Variants in WDR76 observed in about 807,000 individuals in gnomAD.
The protein encoded by WDR76 is WD repeat domain 76.
WDR76 carries 52 observed loss-of-function variants against 70.2 expected under a neutral mutation model. The ratio of observed to expected loss-of-function variants is 0.74; its 90% confidence interval spans 0.59 to 0.93. WDR76 has a LOEUF of 0.93. WDR76 is among the 40% of genes least tolerant of loss of function. The pLI, the probability that WDR76 is intolerant of heterozygous loss-of-function variation, is 0.00. For missense variants in WDR76, 756 were observed against 760.2 expected (o/e 0.99, Z 0.07); for synonymous variants, 292 against 271.1 (o/e 1.08, Z -0.76).
chr15:43,866,676 G>A lies in WDR76; in HGVS notation c.*284G>A, dbSNP rs1297790211. Reference sequence around the variant, plus strand: ...AGTTTTGCTCTTGTTGCCCAGGCTGGAGTGCAATAGCGCGATCTTGGCTCA... The same window carrying A: ...AGTTTTGCTCTTGTTGCCCAGGCTGAAGTGCAATAGCGCGATCTTGGCTCA... On this transcript the variant is annotated 3_prime_UTR_variant, in exon 13 of 13. Coordinates refer to ENST00000263795, the MANE Select transcript of WDR76 (RefSeq NM_024908.4). 1 of 328,494 alleles carries A rather than the reference G, an allele frequency of 3.0e-6. No homozygotes were observed. Among genetic ancestry groups the A allele is most frequent in the Non-Finnish European group, 5.6e-6 (1 of 178,562 alleles). 20.3% of individuals were successfully genotyped at this position (328,494 alleles called of 1,614,324 possible).
rs1156755010 is a variant in WDR76 at position 43,828,135 on chromosome 15, T to C, written c.231T>C (p.Asn77=). Residue 77 remains asparagine (N), a synonymous_variant, in exon 2 of 13, where the codon AAT becomes AAC. Transcript: ENST00000263795. The part of the protein sequence containing the change: ...PKSLSEKNSN[N]EVACKKTKIK... ...CCCTATCAGAAAAGAATTCTAACAA[T>C]GAAGTGGCGTGTAAGAAGACTAAAA... 3 of 1,614,020 alleles carry C rather than the reference T, an allele frequency of 1.9e-6. No individual in the cohort carries two copies. The highest frequency in any genetic ancestry group is 2.5e-6 in the Non-Finnish European group (3 of 1,180,028).
At chr15:43,831,776 A>G (rs958035266) in intron 2 of WDR76, among the ~76,000 whole-genome samples, 7 of 151,972 alleles carry the variant, frequency 4.6e-5, no homozygotes, top group African/African-American at 1.7e-4. Flanking sequence ...CATTTTGGTG[A>G]AGTACAGCTT....
At chr15:43,859,166 T>C (rs968065030) in intron 11 of WDR76, among the ~76,000 whole-genome samples, 24 of 152,220 alleles carry the variant, frequency 1.6e-4, no homozygotes, top group African/African-American at 5.8e-4. Flanking sequence ...GGATCTATTC[T>C]GCAAGTGAAG....
intron 9 of WDR76, among the ~76,000 whole-genome samples, chr15:43,854,696 C>G (rs1798098334): frequency 6.6e-6 from 1 of 152,134 alleles, no homozygotes. Context: ...CGCCTGTAAT[C>G]CCAGCGCTTT....
At chr15:43,864,233 T>C (rs2088041492) in intron 12 of WDR76, among the ~76,000 whole-genome samples, 1 of 152,256 alleles carries the variant, frequency 6.6e-6, no homozygotes, top group Non-Finnish European at 1.5e-5. Context: ...GGAGTACAGG[T>C]ATCTCATAGA....
chr15:43,864,409 A>G (rs2088043842), intron 12 of WDR76, among the ~76,000 whole-genome samples: 1 of 152,072 alleles, frequency 6.6e-6, no homozygotes, highest in African/African-American at 2.4e-5. Context: ...TATCTTTACC[A>G]ATACTTGCTA....
chr15:43,828,457 C>G, intron 2 of WDR76, 91 bp downstream of exon 2: 1 of 1,202,292 alleles, frequency 8.3e-7, no homozygotes, highest in Non-Finnish European at 1.1e-6. Flanking sequence ...CTCTCTGGTA[C>G]AAACAAGTTA....
chr15:43,841,116 G>A (rs1414811115), intron 5 of WDR76, among the ~76,000 whole-genome samples: 3 of 150,536 alleles, frequency 2.0e-5, no homozygotes, highest in East Asian at 3.9e-4. Context: ...CGCCTCCCGG[G>A]TTCAAGTGAT....
chr15:43,846,703 T>C (rs1157088026), intron 8 of WDR76, among the ~76,000 whole-genome samples: 1 of 152,076 alleles, frequency 6.6e-6, no homozygotes, highest in East Asian at 1.9e-4. Context: ...AATCCTTTTT[T>C]CATATCTTTC....
Position 43,848,152 on chromosome 15 carries a change from C to A in WDR76, c.1033-2935C>A, listed in dbSNP as rs2087811574. 1.3e-5 allele frequency among the ~76,000 whole-genome samples: 2 copies of A among 152,006 alleles called. 1 individual carries two copies. The highest frequency in any genetic ancestry group is 4.1e-4 in the South Asian group (2 of 4,834). ...ACTCAGGAAGTTGAGCTGGGAATAT[C>A]ACCTGAGCTCAAGGCGGTTGAGGCT... On this transcript the variant is annotated intron_variant, in intron 8 of 12. Transcript: ENST00000263795.
chr15:43,831,691 C>T (rs576458310), intron 2 of WDR76, among the ~76,000 whole-genome samples: 1 of 152,274 alleles, frequency 6.6e-6, no homozygotes, highest in East Asian at 1.9e-4. Flanking sequence ...CTGCCTGCCT[C>T]AGCCTCTCAC....
chr15:43,828,454 G>T lies in WDR76; in HGVS notation c.462+88G>T, dbSNP rs548371473. On this transcript the variant is annotated intron_variant, in intron 2 of 12. Transcript: ENST00000263795. Reference sequence around the variant, plus strand: ...TCGAAGTTTTTCGAGGATCTCTCTGGTACAAACAAGTTATTTCATCATCTA... The same window carrying T: ...TCGAAGTTTTTCGAGGATCTCTCTGTTACAAACAAGTTATTTCATCATCTA... The T allele has an allele frequency of 1.3e-5, 16 of 1,205,270 alleles. No homozygotes were observed. In the South Asian group the frequency reaches 2.4e-4, roughly 18 times the overall value. 74.7% of individuals were successfully genotyped at this position (1,205,270 alleles called of 1,614,324 possible).
intron 1 of WDR76, among the ~76,000 whole-genome samples, chr15:43,827,300 C>T (rs2087529613): frequency 6.6e-6 from 1 of 152,154 alleles, no homozygotes; most frequent in South Asian, 2.1e-4. Flanking sequence ...CTTTCTTCAA[C>T]CTTCTGCGTT....
chr15:43,854,196 G>A (rs572007401), intron 9 of WDR76, among the ~76,000 whole-genome samples: 9 of 152,098 alleles, frequency 5.9e-5, no homozygotes, highest in Non-Finnish European at 1.0e-4. Flanking sequence ...TCCCTCCTAG[G>A]TATACACCCA....
At chr15:43,838,792 A>G (rs1439954807) in intron 4 of WDR76, among the ~76,000 whole-genome samples, 1 of 150,390 alleles carries the variant, frequency 6.6e-6, no homozygotes, top group Non-Finnish European at 1.5e-5. Flanking sequence ...TAAGTCTCTT[A>G]GTGCTTATGT....
Position 43,865,603 on chromosome 15 carries a change from C to T in WDR76, c.1617-525C>T, listed in dbSNP as rs145196123. Among the ~76,000 whole-genome samples the T allele has an allele frequency of 5.0e-3, 762 of 151,928 alleles. 2 individuals are homozygous for T. The highest frequency in any genetic ancestry group is 0.015 in the African/African-American group (638 of 41,416). ...GTGTTTTTAGTAGACTGGGTTTCGC[C>T]GTGTTGGACAGGCTGGTCTCGAACT... On this transcript the variant is annotated intron_variant, in intron 12 of 12. Transcript: ENST00000263795.
Position 43,828,342 on chromosome 15 carries a change from T to C in WDR76, c.438T>C (p.Ser146=), listed in dbSNP as rs1447340064. Reference sequence around the variant, plus strand: ...TGGAAAGTAGTCAGGATGGAGACAGTGATGAAGATACCACACCATCCCTGG... The same window carrying C: ...TGGAAAGTAGTCAGGATGGAGACAGCGATGAAGATACCACACCATCCCTGG... ...VDVESSQDGD[S]DEDTTPSLDF... is the part of the protein sequence containing the mutation. Residue 146 remains serine, a synonymous_variant, in exon 2 of 13, where the codon AGT becomes AGC. Transcript: ENST00000263795. 2 of 1,612,256 alleles carry C rather than the reference T, an allele frequency of 1.2e-6. No individual in the cohort carries two copies. Among genetic ancestry groups the C allele is most frequent in the Non-Finnish European group, 8.5e-7 (1 of 1,179,260 alleles).
chr15:43,848,263 A>C (rs990400776), intron 8 of WDR76, among the ~76,000 whole-genome samples: 2 of 152,142 alleles, frequency 1.3e-5, no homozygotes, highest in African/African-American at 4.8e-5. Flanking sequence ...AAATTCACTT[A>C]CTGCAATAAG....
intron 9 of WDR76, among the ~76,000 whole-genome samples, chr15:43,852,351 TTTG>T (rs971913329): frequency 7.7e-4 from 117 of 151,304 alleles, no homozygotes; most frequent in African/African-American, 2.5e-3. Flanking sequence ...GCCCGGGTAA[TTTG>T]TTGTTGTTGT....
Sources: gnomAD v4.1 joint callset for allele counts (sites outside exome capture counted in the v4.1 genomes callset) on GRCh38, gnomAD v4.1.1 for gene constraint, MANE v1.5 for transcripts, NCBI Gene and HGNC (gene_info 2026-07-23, HGNC 2026-07-21) for gene names.